Variants in DCLK1 observed in about 807,000 individuals in gnomAD.
DCLK1 encodes doublecortin like kinase 1.
In DCLK1, 16 loss-of-function variants were observed where a neutral mutation model predicts 86.2. The ratio of observed to expected loss-of-function variants is 0.19; its 90% CI spans 0.13 to 0.28. The LOEUF (loss-of-function observed/expected upper bound fraction) is 0.28. Among genes scored for constraint, DCLK1 ranks in the 10% least tolerant of loss-of-function variants. The pLI is 1.00. For synonymous variants in DCLK1, 369 were observed against 370.5 expected, an observed-to-expected ratio of 1.00 and a Z score of 0.05; for missense variants, 590 against 940.2, an observed-to-expected ratio of 0.63 and a Z score of 4.87.
intron 14 of DCLK1, among the ~76,000 whole-genome samples, chr13:35,807,178 T>C (rs1229968653): frequency 6.6e-6 from 1 of 152,204 alleles, no homozygotes; most frequent in Admixed American, 6.5e-5. Context: ...CAATGTAAGA[T>C]TTTTATAGCC....
intron 3 of DCLK1, among the ~76,000 whole-genome samples, chr13:36,107,775 C>G (rs1428361287): frequency 6.6e-6 from 1 of 152,098 alleles, no homozygotes; most frequent in Non-Finnish European, 1.5e-5. Flanking sequence ...TAAAAGGAGT[C>G]AGGAGATATG....
chr13:35,779,099 G>A (rs566158069), intron 16 of DCLK1, among the ~76,000 whole-genome samples: 3 of 151,878 alleles, frequency 2.0e-5, no homozygotes, highest in South Asian at 2.1e-4. Context: ...CACTGCAACC[G>A]CCACCTCCCG....
intron 6 of DCLK1, 76 bp from the exon 7 acceptor site, chr13:35,839,252 G>T (rs866815915): frequency 1.5e-6 from 2 of 1,312,216 alleles, no homozygotes; most frequent in Middle Eastern, 4.8e-4. Flanking sequence ...GCCCAGCCCG[G>T]AATCTCAGGA....
chr13:36,116,152 G>A (rs930221829), intron 2 of DCLK1, among the ~76,000 whole-genome samples: 6 of 151,774 alleles, frequency 4.0e-5, no homozygotes, highest in Admixed American at 3.3e-4. Flanking sequence ...ATTTCATCAT[G>A]TTGGCCCTCC....
At chr13:36,075,588 C>T (rs532191546) in intron 3 of DCLK1, among the ~76,000 whole-genome samples, 2 of 152,322 alleles carry the variant, frequency 1.3e-5, no homozygotes, top group South Asian at 2.1e-4. Flanking sequence ...TAGATCATTA[C>T]TTCTTTACTG....
At chr13:35,954,125 A>G (rs187684733) in intron 3 of DCLK1, among the ~76,000 whole-genome samples, 1 of 152,084 alleles carries the variant, frequency 6.6e-6, no homozygotes, top group Non-Finnish European at 1.5e-5. Context: ...TAAACTTCTT[A>G]ATACCAGTTA....
intron 3 of DCLK1, among the ~76,000 whole-genome samples, chr13:36,084,630 T>C (rs1284775110): frequency 6.6e-6 from 1 of 152,180 alleles, no homozygotes; most frequent in Non-Finnish European, 1.5e-5. Flanking sequence ...TTAATTACAC[T>C]TGTGAAAGCT....
At chr13:35,911,072 A>G (rs1432997921) in intron 4 of DCLK1, among the ~76,000 whole-genome samples, 11 of 149,324 alleles carry the variant, frequency 7.4e-5, no homozygotes, top group Admixed American at 1.4e-4. Flanking sequence ...TCACAAGATC[A>G]GGAGATCGAG....
chr13:36,005,287 AG>A (rs1216339871), intron 3 of DCLK1, among the ~76,000 whole-genome samples: 1 of 152,220 alleles, frequency 6.6e-6, no homozygotes, highest in Non-Finnish European at 1.5e-5. Flanking sequence ...TTCTAATAAA[AG>A]GTATCTATTC....
intron 6 of DCLK1, chr13:35,850,719 T>C: frequency 6.2e-7 from 1 of 1,600,728 alleles, no homozygotes; most frequent in South Asian, 1.1e-5. Flanking sequence ...CATTGTTTCT[T>C]TTACACTGAG....
chr13:35,921,377 C>T (rs538678876), intron 4 of DCLK1, among the ~76,000 whole-genome samples: 4 of 152,120 alleles, frequency 2.6e-5, no homozygotes, highest in Non-Finnish European at 5.9e-5. Flanking sequence ...ACTCTCACCC[C>T]TACATACCCA....
At chr13:35,809,518 C>A (rs544270068) in intron 12 of DCLK1, among the ~76,000 whole-genome samples, 1 of 152,286 alleles carries the variant, frequency 6.6e-6, no homozygotes. Flanking sequence ...GTTTTCCTAG[C>A]AACTCTGTAG....
At chr13:36,091,154 C>T (rs1257331616) in intron 3 of DCLK1, among the ~76,000 whole-genome samples, 1 of 152,058 alleles carries the variant, frequency 6.6e-6, no homozygotes, top group Non-Finnish European at 1.5e-5. Flanking sequence ...CACTCTGATG[C>T]TAGTTTCTTT....
chr13:35,942,551 G>C (rs774448679), intron 4 of DCLK1, among the ~76,000 whole-genome samples: 1 of 152,176 alleles, frequency 6.6e-6, no homozygotes, highest in Non-Finnish European at 1.5e-5. Context: ...TGTGAAACCT[G>C]TTCACTCTCA....
intron 15 of DCLK1, among the ~76,000 whole-genome samples, chr13:35,801,841 G>C (rs774290951): frequency 3.9e-5 from 6 of 152,158 alleles, no homozygotes; most frequent in Non-Finnish European, 7.3e-5. Context: ...ATTTGGTCTG[G>C]AATCAGGGGA....
chr13:35,938,693 C>T (rs1876910489), intron 4 of DCLK1, among the ~76,000 whole-genome samples: 1 of 151,494 alleles, frequency 6.6e-6, no homozygotes, highest in African/African-American at 2.4e-5. Context: ...CCATCATCAA[C>T]AAAGGGTTCC....
chr13:36,082,757 A>G (rs904562860), intron 3 of DCLK1, among the ~76,000 whole-genome samples: 15 of 152,222 alleles, frequency 9.9e-5, no homozygotes, highest in Non-Finnish European at 8.8e-5. Flanking sequence ...ATACTTTCAT[A>G]TGAAAAAGAC....
chr13:35,835,984 A>G, intron 8 of DCLK1, 49 bp downstream of exon 8: 1 of 1,338,622 alleles, frequency 7.5e-7, no homozygotes, highest in Non-Finnish European at 1.1e-6. Context: ...TGGAAAACAT[A>G]ACGCCAAATG....
At chr13:36,045,533 G>T (rs1046211873) in intron 3 of DCLK1, among the ~76,000 whole-genome samples, 2 of 151,542 alleles carry the variant, frequency 1.3e-5, no homozygotes, top group African/African-American at 4.8e-5. Flanking sequence ...GTCAAAATTT[G>T]ACTTTGCATA....
Sources: allele counts gnomAD v4.1 joint callset (sites outside exome capture counted in the v4.1 genomes callset), GRCh38; gene constraint gnomAD v4.1.1; transcripts MANE v1.5; gene names NCBI Gene and HGNC (gene_info 2026-07-23, HGNC 2026-07-21).